The following KMT2A variants were observed in gnomAD, a reference collection of about 807,000 sequenced individuals.
KMT2A encodes lysine methyltransferase 2A.
In KMT2A, 16 loss-of-function variants were observed where a neutral mutation model predicts 345.3. That is an observed-to-expected ratio of 0.05 (90% confidence interval 0.03 to 0.07). The LOEUF is 0.07. KMT2A is among the 10% of genes least tolerant of loss of function. KMT2A has a pLI of 1.00. For synonymous variants in KMT2A, 1,599 were observed against 1,778.6 expected (o/e 0.90, Z 2.54); for missense variants, 3,272 against 4,841.6 (o/e 0.68, Z 9.62).
At chr11:118,515,091 C>A (rs1183279165) in intron 31 of KMT2A, among the ~76,000 whole-genome samples, 1 of 152,186 alleles carries the variant, frequency 6.6e-6, no homozygotes, top group African/African-American at 2.4e-5. Context: ...AAAGTGTAGC[C>A]TATAGGTGTG....
In KMT2A at chr11:118,509,943, A is replaced by G. The variant is rs369909433; in HGVS notation, c.10901-5A>G. The stretch of plus-strand genomic sequence containing the variant: ...TGCAACCACTATCTATTTTCTCCCT[A>G]TTAGAACCTAAAACAGTGGAAGAAG... On this transcript the variant is annotated splice_polypyrimidine_tract_variant and splice_region_variant and intron_variant, in intron 29 of 35. Coordinates refer to ENST00000534358, the MANE Select transcript of KMT2A (RefSeq NM_001197104.2). The G allele has an allele frequency of 3.4e-5, 55 of 1,600,722 alleles. No homozygotes were observed. The highest frequency in any genetic ancestry group is 1.3e-4 in the East Asian group (6 of 44,682).
chr11:118,477,307 G>A (rs1216243574), intron 4 of KMT2A, among the ~76,000 whole-genome samples: 2 of 152,080 alleles, frequency 1.3e-5, no homozygotes, highest in Non-Finnish European at 2.9e-5. Flanking sequence ...TTGAGTAAAA[G>A]TGGACTGTCA....
intron 1 of KMT2A, among the ~76,000 whole-genome samples, chr11:118,443,899 G>C (rs548659944): frequency 6.6e-6 from 1 of 152,132 alleles, no homozygotes; most frequent in Non-Finnish European, 1.5e-5. Flanking sequence ...CTGGTTTTGT[G>C]TTTTGTTGGG....
chr11:118,487,146 C>T (rs956614705), intron 10 of KMT2A, among the ~76,000 whole-genome samples: 1 of 152,218 alleles, frequency 6.6e-6, no homozygotes, highest in African/African-American at 2.4e-5. Context: ...ATTCAGTCTA[C>T]AAGTGCCAGG....
rs138046203 is a variant in KMT2A, at chr11:118,505,661, T to C, written c.9769T>C (p.Leu3257=). The stretch of plus-strand genomic sequence containing the variant: ...TTCTGATGTGGTTTCTAATATGACA[T>C]TGATTAACTTCACACCCTCCCAGCT... ...APSDVVSNMT[L]INFTPSQLPN... Residue 3257 remains leucine (L), a synonymous_variant, in exon 27 of 36, where the codon TTG becomes CTG. Transcript: ENST00000534358. The surrounding 1 kb of genome is among the most constrained non-coding windows in gnomAD (Gnocchi z 4.6). The C allele has an allele frequency of 2.1e-5, 34 of 1,614,060 alleles. No individual in the cohort carries two copies. The African/African-American group carries it at 4.4e-4, about 21-fold the overall frequency.
intron 28 of KMT2A, 113 bp downstream of exon 28, chr11:118,507,722 T>C (rs1555048969): frequency 1.3e-6 from 1 of 796,244 alleles, no homozygotes; most frequent in African/African-American, 1.7e-5. Context: ...CCTAGTAGTC[T>C]GGGAGGCCGA....
In KMT2A at chr11:118,491,839, C is replaced by T. The variant is rs782499672; in HGVS notation, c.4915C>T (p.Leu1639Phe). Residue 1639 changes from leucine to phenylalanine, a missense_variant, in exon 15 of 36, where the codon CTT (leucine) becomes TTT (phenylalanine). This residue lies in a region of KMT2A where 66 missense variants were observed against 80.1 expected (regional missense o/e 0.82). Transcript: ENST00000534358. The surrounding 1 kb of genome is among the most constrained non-coding windows in gnomAD (Gnocchi z 4.2). ...ERHPAEWRLALEKELQISLKQ... is the reference protein window; with the variant it reads ...ERHPAEWRLAFEKELQISLKQ... ...GCACCCTGCAGAGTGGCGACTGGCC[C>T]TTGAAAAAGAGCTGCAGATTTCTCT... 1.9e-6 allele frequency: 3 copies of T among 1,614,104 alleles called. No homozygotes were observed. The highest frequency in any genetic ancestry group is 2.5e-6 in the Non-Finnish European group (3 of 1,179,970).
chr11:118,447,573 A>G (rs951050677), intron 1 of KMT2A: 4 of 398,214 alleles, frequency 1.0e-5, no homozygotes, highest in Admixed American at 3.3e-5. Context: ...TTTTATGTAG[A>G]TAATACTTAG....
At chr11:118,516,845 T>C (rs182898701) in intron 31 of KMT2A, among the ~76,000 whole-genome samples, 1 of 152,334 alleles carries the variant, frequency 6.6e-6, no homozygotes, top group East Asian at 1.9e-4. Context: ...TCCTCTGCTG[T>C]GAGCTCCTTA....
rs1358282115 is a variant in KMT2A at position 118,521,733 on chromosome 11, CT to C, written c.11644-163del. The stretch of plus-strand genomic sequence containing the variant: ...CTAGTGGCCTGTAATCTAGGAAATC[CT>C]CGTGGAAGCATCTTGAAAGATAGTA... On this transcript the variant is annotated intron_variant, in intron 35 of 35. Transcript: ENST00000534358. The surrounding 1 kb of genome is among the most constrained non-coding windows in gnomAD (Gnocchi z 5.3). Among the ~76,000 whole-genome samples the C allele has an allele frequency of 6.6e-6, 1 of 152,130 alleles. No individual in the cohort carries two copies. Among genetic ancestry groups the C allele is most frequent in the African/African-American group, 2.4e-5 (1 of 41,430 alleles).
chr11:118,481,508 A>G (rs1950131916), intron 6 of KMT2A, among the ~76,000 whole-genome samples: 1 of 152,162 alleles, frequency 6.6e-6, no homozygotes, highest in Non-Finnish European at 1.5e-5. Flanking sequence ...CTGTTGATGG[A>G]TGCTTAGATT....
chr11:118,506,792 C>T (rs1950592500), intron 27 of KMT2A, 146 bp downstream of exon 27: 1 of 785,660 alleles, frequency 1.3e-6, no homozygotes, highest in Admixed American at 2.9e-5. Flanking sequence ...TTTTTTCTCT[C>T]TGAGTGGTGA....
chr11:118,488,480 C>A, intron 10 of KMT2A, 134 bp from the exon 11 acceptor site: 1 of 874,814 alleles, frequency 1.1e-6, no homozygotes, highest in Non-Finnish European at 1.9e-6. Flanking sequence ...ATAGTCATTG[C>A]TTAATGAATA....
chr11:118,506,191 C>T lies in KMT2A; in HGVS notation c.10299C>T (p.Pro3433=). ...CGGCATCTAGCATCTGTGTGCTCCCCTCCACTCAGACTACGGGCATAACAG... is the reference window on the plus strand; with the variant it reads ...CGGCATCTAGCATCTGTGTGCTCCCTTCCACTCAGACTACGGGCATAACAG... ...ITAASSICVL[P]STQTTGITAA... is the part of the protein sequence containing the mutation. Residue 3433 remains proline, a synonymous_variant, in exon 27 of 36, where the codon CCC becomes CCT. Transcript: ENST00000534358. 7 of 1,614,132 alleles carry T rather than the reference C, an allele frequency of 4.3e-6. No individual in the cohort carries two copies. Among genetic ancestry groups the T allele is most frequent in the Non-Finnish European group, 5.9e-6 (7 of 1,180,012 alleles).
At chr11:118,499,754 TG>T in intron 23 of KMT2A, 80 bp from the exon 24 acceptor site, 1 of 1,082,954 alleles carries the variant, frequency 9.2e-7, no homozygotes, top group Non-Finnish European at 1.4e-6. Flanking sequence ...CATTCCAGCC[TG>T]GGCGACAGAG....
Position 118,471,986 on chromosome 11 carries a change from G to C in KMT2A, c.827G>C (p.Gly276Ala), listed in dbSNP as rs1163615757. ...ACAAAGATTAAAAAATTAAGAGCAG[G>C]TAAACTCTCTCCTCTCAAGTCTAAG... ...QATKIKKLRA[G>A]KLSPLKSKFK... Residue 276 changes from glycine (G) to alanine (A), a missense_variant, in exon 3 of 36, where the codon GGT becomes GCT. Physicochemically the swap from Gly to Ala is moderately conservative, Grantham distance 60. Transcript: ENST00000534358. The C allele has an allele frequency of 6.2e-7, 1 of 1,614,046 alleles. No homozygotes were observed. The highest frequency in any genetic ancestry group is 1.3e-5 in the African/African-American group (1 of 75,042).
chr11:118,456,999 T>G (rs1296423465), intron 1 of KMT2A, among the ~76,000 whole-genome samples: 1 of 152,172 alleles, frequency 6.6e-6, no homozygotes, highest in Non-Finnish European at 1.5e-5. Flanking sequence ...CTTGTCCATT[T>G]TGCCTCCTAA....
rs548528154 is a variant in KMT2A at position 118,520,776 on chromosome 11, C to G, written c.11430-26C>G. The G allele has an allele frequency of 1.9e-6, 3 of 1,557,924 alleles. No individual in the cohort carries two copies. Among genetic ancestry groups the G allele is most frequent in the East Asian group, 4.5e-5 (2 of 44,610 alleles). On this transcript the variant is annotated intron_variant, in intron 33 of 35. Transcript: ENST00000534358. This position sits in a 1 kb window ranked among gnomAD's most constrained non-coding sequence, Gnocchi z 4.3. ...AAAACATTATTTCCTGAAAAAAATT[C>G]GTTAATAGTATGTCTTATCTCTTAG...
chr11:118,490,356 A>T lies in KMT2A; in HGVS notation c.4696+107A>T. On this transcript the variant is annotated intron_variant, in intron 13 of 35. Transcript: ENST00000534358. The surrounding 1 kb of genome is among the most constrained non-coding windows in gnomAD (Gnocchi z 4.2). Reference sequence around the variant, plus strand: ...ATAAAAAGTCTCACACATTATGTCAAGGATACCATTTAGACACATTTCCTA... The same window carrying T: ...ATAAAAAGTCTCACACATTATGTCATGGATACCATTTAGACACATTTCCTA... 4 of 1,202,740 alleles carry T rather than the reference A, an allele frequency of 3.3e-6. No homozygotes were observed. The highest frequency in any genetic ancestry group is 4.5e-6 in the Non-Finnish European group (4 of 891,228). 74.5% of individuals were successfully genotyped at this position (1,202,740 alleles called of 1,614,324 possible).
Sources: gnomAD v4.1 joint callset for allele counts (sites outside exome capture counted in the v4.1 genomes callset) on GRCh38, gnomAD v4.1.1 for gene constraint, gnomAD v4.1.1 regional missense constraint, Gnocchi (gnomAD v3.1) non-coding constraint, MANE v1.5 for transcripts, NCBI Gene and HGNC (gene_info 2026-07-23, HGNC 2026-07-21) for gene names.